CAPN15: variants seen among roughly 807,000 people sequenced by gnomAD.
CAPN15 encodes calpain 15.
CAPN15 carries 53 observed loss-of-function variants against 97.9 expected under a neutral mutation model. That is an observed-to-expected ratio of 0.54 (90% CI 0.43 to 0.68). The LOEUF is 0.68. CAPN15 is among the 30% of genes least tolerant of loss of function. The pLI is 0.00. For synonymous variants in CAPN15, 922 were observed against 722.5 expected, an observed-to-expected ratio of 1.28 and a Z score of -4.43; for missense variants, 1,592 against 1,589.8, an observed-to-expected ratio of 1.00 and a Z score of -0.02.
Position 547,370 on chromosome 16 carries a change from CCT to C in CAPN15, c.534_535del (p.Pro179Ter). The C allele has an allele frequency of 6.4e-7, 1 of 1,553,662 alleles. No homozygotes were observed. Among genetic ancestry groups the C allele is most frequent in the African/African-American group, 1.4e-5 (1 of 73,702 alleles). ...GPRRLSLPRIPPEALVVPEVV... is the reference protein window; with the variant it reads ...GPRRLSLPRIXPEALVVPEVV... ...ACGCAGGCTCTCGCTGCCACGGATC[CCT>C]CCTGAGGCCCTGGTGGTCCCGGAAG... On this transcript the variant is annotated frameshift_variant, in exon 4 of 14. Transcript: ENST00000219611. LOFTEE classifies it high-confidence loss of function.
At position 530,316 on chromosome 16, in the gene CAPN15, A is replaced by G. The variant is rs561683679; in HGVS notation, c.-190+2287A>G. On this transcript the variant is annotated intron_variant, in intron 1 of 13. Transcript: ENST00000219611. ...CTTGGTAGGCCTAGTGTCTAGCGCT[A>G]TGCAGCCGTGCGCAGAGCAGGCGGT... 2.6e-5 allele frequency among the ~76,000 whole-genome samples: 4 copies of G among 152,310 alleles called. No homozygotes were observed. In the South Asian group the frequency reaches 8.3e-4, roughly 32 times the overall value.
At chr16:549,549 C>T (rs1370347907) in intron 6 of CAPN15, 66 bp from the exon 7 acceptor site, 74 of 1,498,376 alleles carry the variant, frequency 4.9e-5, no homozygotes, top group East Asian at 7.4e-5. Context: ...CCGGCTGCTT[C>T]CTCTTCTCCC....
intron 1 of CAPN15, among the ~76,000 whole-genome samples, chr16:529,627 C>T (rs1036721433): frequency 4.4e-4 from 67 of 151,988 alleles, no homozygotes; most frequent in African/African-American, 1.5e-3. Context: ...AGAACTCGGC[C>T]GTTGGTGGCC....
chr16:549,036 A>C lies in CAPN15; in HGVS notation c.1493A>C (p.Glu498Ala). The C allele has an allele frequency of 6.2e-7, 1 of 1,612,700 alleles. No homozygotes were observed. The highest frequency in any genetic ancestry group is 8.5e-7 in the Non-Finnish European group (1 of 1,179,918). The change falls in exon 5 of 14, where the codon GAG becomes GCG. Residue 498 changes from glutamate to alanine, a missense_variant. Physicochemically the swap from Glu to Ala is moderately radical, Grantham distance 107 (BLOSUM62 -1). Transcript: ENST00000219611. ...FVDDSFPPGP[E>A]SVGFPAGDSV... ...GATGACAGCTTCCCTCCCGGGCCCG[A>C]GTCTGTCGGCTTCCCCGCGGGTGAC...
chr16:530,147 G>A (rs2033146600), intron 1 of CAPN15, among the ~76,000 whole-genome samples: 1 of 152,240 alleles, frequency 6.6e-6, no homozygotes, highest in Non-Finnish European at 1.5e-5. Flanking sequence ...ACGCTGGAGA[G>A]AACGCTGAGG....
Position 547,665 on chromosome 16 carries a change from A to AG in CAPN15, c.830dup (p.Ser278LeufsTer43), listed in dbSNP as rs2034690060. The AG allele has an allele frequency of 6.3e-7, 1 of 1,579,146 alleles. No individual in the cohort carries two copies. The highest frequency in any genetic ancestry group is 8.6e-7 in the Non-Finnish European group (1 of 1,162,014). On this transcript the variant is annotated frameshift_variant, in exon 4 of 14. Coordinates refer to ENST00000219611, the MANE Select transcript of CAPN15 (RefSeq NM_005632.3). LOFTEE classifies it high-confidence loss of function. ...TCTGCCGGCTGCAGGGGAGCCCCCC[A>AG]GGGCTCGGGCTGGGCTGGGGCCTCC...
intron 3 of CAPN15, among the ~76,000 whole-genome samples, chr16:540,947 C>T (rs2034068771): frequency 6.6e-6 from 1 of 152,216 alleles, no homozygotes; most frequent in South Asian, 2.1e-4. Flanking sequence ...TGCCGTCACC[C>T]CGTCCTGGCC....
Position 552,801 on chromosome 16 carries a change from T to TGGGGGGGGGGGGCGG in CAPN15, c.2904+34_2904+35insGGGGGGGGCGGGGGG. 6.6e-7 allele frequency: 1 copy of TGGGGGGGGGGGGCGG among 1,504,548 alleles called. No homozygotes were observed. Among genetic ancestry groups the TGGGGGGGGGGGGCGG allele is most frequent in the Non-Finnish European group, 8.9e-7 (1 of 1,119,170 alleles). 93.2% of individuals were successfully genotyped at this position (1,504,548 alleles called of 1,614,324 possible). A position where few individuals can be genotyped will look rare whatever the true frequency, so the allele number is the denominator to read the frequency against. ...GTGGGGGTCCCGGGGGAGGGTGGCG[T>TGGGGGGGGGGGGCGG]GGGGCAGGGGGAGTATGCCCCAGCA... is the stretch of plus-strand genomic sequence containing the variant. On this transcript the variant is annotated intron_variant, in intron 12 of 13. Transcript: ENST00000219611. This position sits in a 1 kb window ranked among gnomAD's most constrained non-coding sequence, Gnocchi z 6.4.
chr16:528,622 C>T (rs1195578356), intron 1 of CAPN15: 1 of 615,688 alleles, frequency 1.6e-6, no homozygotes, highest in Admixed American at 6.3e-5. Context: ...AGGGGCCCCT[C>T]TAGTCCTGAC....
chr16:528,469 C>T (rs2033012505), intron 1 of CAPN15, among the ~76,000 whole-genome samples: 1 of 152,204 alleles, frequency 6.6e-6, no homozygotes, highest in Admixed American at 6.5e-5. Context: ...GGGGAACGGC[C>T]TGGGGGCGGC....
At position 552,760 on chromosome 16, in the gene CAPN15, G is replaced by A. The variant is rs1417243567; in HGVS notation, c.2893G>A (p.Glu965Lys). 1.3e-6 allele frequency: 2 copies of A among 1,535,234 alleles called. No homozygotes were observed. The highest frequency in any genetic ancestry group is 1.8e-6 in the Non-Finnish European group (2 of 1,139,736). Reference sequence around the variant, plus strand: ...CATCCTGCTCACCGAGAGCCGCGGAGAGCGGCACGAGGTGGGTGGGGGTCC... The same window carrying A: ...CATCCTGCTCACCGAGAGCCGCGGAAAGCGGCACGAGGTGGGTGGGGGTCC... ...AIILLTESRG[E>K]RHEGREGMTC... The change falls in exon 12 of 14, where the codon GAG becomes AAG. Residue 965 changes from glutamate (E) to lysine (K), a missense_variant. By Grantham distance (56) the Glu-to-Lys change is moderately conservative. Transcript: ENST00000219611. The surrounding 1 kb of genome is among the most constrained non-coding windows in gnomAD (Gnocchi z 6.4).
rs371030677 is a variant in CAPN15, at chr16:547,171, G to A, written c.333G>A (p.Ala111=). The A allele has an allele frequency of 3.3e-5, 51 of 1,540,416 alleles. No homozygotes were observed. Among genetic ancestry groups the A allele is most frequent in the South Asian group, 1.1e-4 (9 of 81,512 alleles). Residue 111 remains alanine, a synonymous_variant, in exon 4 of 14, where the codon GCG becomes GCA. Coordinates refer to ENST00000219611, the MANE Select transcript of CAPN15 (RefSeq NM_005632.3). The part of the protein sequence containing the change: ...CQEEAGPVRT[A]GLVATEPARG... ...AGGAAGCAGGTCCAGTGAGGACTGC[G>A]GGGCTGGTGGCCACGGAGCCCGCCA...
rs773676567 is a variant in CAPN15 at position 551,302 on chromosome 16, G to A, written c.2067G>A (p.Gly689=). The A allele has an allele frequency of 2.0e-5, 32 of 1,597,582 alleles. No individual in the cohort carries two copies. The East Asian group carries it at 6.3e-4, about 31-fold the overall frequency. The change falls in exon 8 of 14, where the codon GGG becomes GGA. Residue 689 remains glycine, a splice_region_variant and synonymous_variant. Coordinates refer to ENST00000219611, the MANE Select transcript of CAPN15 (RefSeq NM_005632.3). The part of the protein sequence containing the change: ...WAKMLSSKEA[G]FLMGASCGGG... ...CGGTGAGGGCCGCTCTGCCACACAG[G>A]TTCCTCATGGGTGCCTCCTGTGGCG... is the stretch of plus-strand genomic sequence containing the variant.
Position 549,372 on chromosome 16 carries a change from C to A in CAPN15, c.1743C>A (p.Gly581=). 6.3e-7 allele frequency: 1 copy of A among 1,597,968 alleles called. No individual in the cohort carries two copies. Among genetic ancestry groups the A allele is most frequent in the Non-Finnish European group, 8.5e-7 (1 of 1,178,314 alleles). The change falls in exon 6 of 14, where the codon GGC becomes GGA. Residue 581 remains glycine (G), a synonymous_variant. Coordinates refer to ENST00000219611, the MANE Select transcript of CAPN15 (RefSeq NM_005632.3). ...VMVTRSLCAE[G]AYQVRLCKDG... ...TCACGCGCAGCCTGTGTGCAGAGGG[C>A]GCCTACCAGGTGCGGCTGTGCAAGG...
At chr16:550,758 G>T (rs2034953635) in intron 7 of CAPN15, among the ~76,000 whole-genome samples, 2 of 138,672 alleles carry the variant, frequency 1.4e-5, no homozygotes, top group Admixed American at 7.1e-5. Context: ...CGGTCGGTGA[G>T]GGTCCCCTGC....
In CAPN15 at chr16:551,938, T is replaced by C. The variant is rs116203683; in HGVS notation, c.2346-113T>C. On this transcript the variant is annotated intron_variant, in intron 9 of 13. Transcript: ENST00000219611. ...CGGGGGCCGGGCTGCAAGAGGACGGTGACGGAGCAGCTGGCACCTGCTGGG... is the reference window on the plus strand; with the variant it reads ...CGGGGGCCGGGCTGCAAGAGGACGGCGACGGAGCAGCTGGCACCTGCTGGG... 6.4e-3 allele frequency: 7,782 copies of C among 1,216,178 alleles called. 392 individuals carry two copies. In the African/African-American group the frequency reaches 0.1, roughly 16 times the overall value. The allele number at this position is 1,216,178 out of a possible 1,614,324, so 75.3% of individuals were successfully genotyped here.
intron 1 of CAPN15, among the ~76,000 whole-genome samples, chr16:532,854 GA>G (rs1307303121): frequency 0.11 from 11,760 of 104,970 alleles, 520 homozygotes; most frequent in Middle Eastern, 0.19. Context: ...CTCTGTCAGA[GA>G]AAAAAAAAAA....
intron 3 of CAPN15, among the ~76,000 whole-genome samples, chr16:541,872 G>C (rs2034144456): frequency 6.8e-6 from 1 of 147,094 alleles, no homozygotes; most frequent in Non-Finnish European, 1.5e-5. Context: ...GGCTGGGTTT[G>C]CCTTGTGCAG....
chr16:534,451 C>T (rs1368052778), intron 2 of CAPN15, among the ~76,000 whole-genome samples: 3 of 152,150 alleles, frequency 2.0e-5, no homozygotes, highest in Non-Finnish European at 4.4e-5. Context: ...GGCGGGCGGT[C>T]GGAGTCCACG....
Sources: gnomAD v4.1 joint callset for allele counts (sites outside exome capture counted in the v4.1 genomes callset) on GRCh38, gnomAD v4.1.1 for gene constraint, Gnocchi (gnomAD v3.1) non-coding constraint, MANE v1.5 for transcripts, NCBI Gene and HGNC (gene_info 2026-07-23, HGNC 2026-07-21) for gene names.